The following KIAA0040 variants were observed in gnomAD, a reference collection of about 807,000 sequenced individuals.
The protein encoded by KIAA0040 is uncharacterized protein KIAA0040.
A neutral mutation model predicts 7.2 loss-of-function variants in KIAA0040; 10 were observed. The observed-to-expected ratio is 1.38, with a 90% CI of 0.85 to 2.34. The LOEUF (loss-of-function observed/expected upper bound fraction) is 2.34. Ranked by LOEUF, KIAA0040 falls within the 30% of genes most tolerant of loss-of-function variation. The probability of loss-of-function intolerance (pLI) is 0.00; values close to 1 mark genes in which losing one functional copy is unlikely to be tolerated. For missense variants in KIAA0040, 89 were observed against 108.2 expected (o/e 0.82, Z 0.79); for synonymous variants, 49 against 40.1 (o/e 1.22, Z -0.84).
At position 175,157,328 on chromosome 1, in the gene KIAA0040, C is replaced by T. The variant is rs1434992434; in HGVS notation, c.*3386G>A. 1 of 152,134 alleles carries T rather than the reference C, an allele frequency of 6.6e-6. No individual in the cohort carries two copies. The highest frequency in any genetic ancestry group is 2.4e-5 in the African/African-American group (1 of 41,418). The allele number at this position is 152,134 out of a possible 1,614,324, so 9.4% of individuals were successfully genotyped here. On this transcript the variant is annotated 3_prime_UTR_variant, in exon 4 of 4. Coordinates refer to ENST00000423313, the MANE Select transcript of KIAA0040 (RefSeq NM_014656.3). Reference sequence around the variant, plus strand: ...TGGCACCTTTGAGGGAGTCTGGTCTCCAAGGCCATCTGTTTTGCAAGCAAG... The same window carrying T: ...TGGCACCTTTGAGGGAGTCTGGTCTTCAAGGCCATCTGTTTTGCAAGCAAG...
intron 1 of KIAA0040, among the ~76,000 whole-genome samples, chr1:175,182,256 T>G (rs1677469727): frequency 1.3e-5 from 2 of 152,064 alleles, no homozygotes; most frequent in Admixed American, 1.3e-4. Context: ...GGAACTTGAG[T>G]GTATAGTGAA....
At chr1:175,171,157 G>A (rs1012063630) in intron 2 of KIAA0040, among the ~76,000 whole-genome samples, 1 of 152,164 alleles carries the variant, frequency 6.6e-6, no homozygotes, top group Non-Finnish European at 1.5e-5. Context: ...ACCTTATCAG[G>A]AGGCCTTTTT....
At chr1:175,182,677 C>T (rs1677485494) in intron 1 of KIAA0040, among the ~76,000 whole-genome samples, 1 of 152,210 alleles carries the variant, frequency 6.6e-6, no homozygotes, top group Non-Finnish European at 1.5e-5. Flanking sequence ...CTGGTCCCAC[C>T]ACACACTGGC....
intron 2 of KIAA0040, chr1:175,176,524 G>A (rs1035576156): frequency 6.6e-6 from 1 of 152,142 alleles, no homozygotes; most frequent in Non-Finnish European, 1.5e-5. Context: ...CTTCCTTTCT[G>A]CATGGGCTTA....
chr1:175,160,987 G>T lies in KIAA0040; in HGVS notation c.27C>A (p.Ser9Arg). 6.4e-7 allele frequency: 1 copy of T among 1,551,226 alleles called. No individual in the cohort carries two copies. The highest frequency in any genetic ancestry group is 8.7e-7 in the Non-Finnish European group (1 of 1,146,926). Residue 9 changes from serine (S) to arginine (R), a missense_variant, in exon 4 of 4, where the codon AGC becomes AGA. Ser to Arg is a moderately radical substitution (Grantham distance 110). Transcript: ENST00000423313. ...TGGTCAAGATGGTGTCCCAGATAGA[G>T]CTGAAGAAGGCACTGATTCTCTCCA... MERISAFF[S>R]SIWDTILTKH... is the part of the protein sequence containing the mutation.
At chr1:175,168,758 C>T (rs1371375977) in intron 2 of KIAA0040, among the ~76,000 whole-genome samples, 2 of 152,220 alleles carry the variant, frequency 1.3e-5, no homozygotes, top group African/African-American at 4.8e-5. Context: ...GTCTCTTCCA[C>T]AAACTCTTCC....
chr1:175,165,032 T>C (rs1447997672), intron 3 of KIAA0040, among the ~76,000 whole-genome samples: 2 of 152,206 alleles, frequency 1.3e-5, no homozygotes. Context: ...TGTCTGATTG[T>C]GGCTGTGGGG....
rs1362265508 is a variant in KIAA0040 at position 175,160,613 on chromosome 1, G to A, written c.*101C>T. On this transcript the variant is annotated 3_prime_UTR_variant, in exon 4 of 4. Transcript: ENST00000423313. ...TCCTTGGTTGAGTAGTTACTCTGTG[G>A]ACATGGACATAGTGCATTATTTCAG... is the stretch of plus-strand genomic sequence containing the variant. 1.4e-5 allele frequency: 16 copies of A among 1,138,610 alleles called. No homozygotes were observed. The highest frequency in any genetic ancestry group is 2.6e-5 in the East Asian group (1 of 38,780). 70.5% of individuals were successfully genotyped at this position (1,138,610 alleles called of 1,614,324 possible).
At chr1:175,172,183 C>T (rs1334808852) in intron 2 of KIAA0040, among the ~76,000 whole-genome samples, 1 of 152,184 alleles carries the variant, frequency 6.6e-6, no homozygotes, top group Non-Finnish European at 1.5e-5. Context: ...TAGTTCTCCT[C>T]ATGTTACCCT....
Position 175,160,098 on chromosome 1 carries a change from A to G in KIAA0040, c.*616T>C, listed in dbSNP as rs1676469518. ...TAGCAGGTTGCTGGAATGTCCAATT[A>G]TGAGTACTTCCAGTAAAAGTTTATG... On this transcript the variant is annotated 3_prime_UTR_variant, in exon 4 of 4. Coordinates refer to ENST00000423313, the MANE Select transcript of KIAA0040 (RefSeq NM_014656.3). 1 of 154,144 alleles carries G rather than the reference A, an allele frequency of 6.5e-6. No homozygotes were observed. Among genetic ancestry groups the G allele is most frequent in the Non-Finnish European group, 1.5e-5 (1 of 68,408 alleles). 9.5% of individuals were successfully genotyped at this position (154,144 alleles called of 1,614,324 possible).
chr1:175,169,252 T>C (rs1329295897), intron 2 of KIAA0040, among the ~76,000 whole-genome samples: 1 of 152,226 alleles, frequency 6.6e-6, no homozygotes, highest in East Asian at 1.9e-4. Context: ...ACAACTCTCC[T>C]ATAGGGCAGC....
chr1:175,171,048 T>C (rs560250012), intron 2 of KIAA0040, among the ~76,000 whole-genome samples: 1 of 152,362 alleles, frequency 6.6e-6, no homozygotes, highest in East Asian at 1.9e-4. Context: ...ACCCTATTTG[T>C]CCCTTTGCCT....
intron 1 of KIAA0040, among the ~76,000 whole-genome samples, chr1:175,182,849 T>C (rs1165762225): frequency 6.6e-6 from 1 of 152,230 alleles, no homozygotes; most frequent in Non-Finnish European, 1.5e-5. Flanking sequence ...GAGCACATCT[T>C]CAGTGCATGT....
At chr1:175,190,264 C>T (rs968608315) in intron 1 of KIAA0040, among the ~76,000 whole-genome samples, 2 of 152,196 alleles carry the variant, frequency 1.3e-5, no homozygotes, top group East Asian at 1.9e-4. Flanking sequence ...CTTGAGCGTT[C>T]GGAGAAAGTC....
intron 1 of KIAA0040, among the ~76,000 whole-genome samples, chr1:175,188,636 A>G (rs950356760): frequency 1.7e-4 from 26 of 152,206 alleles, no homozygotes; most frequent in African/African-American, 6.3e-4. Context: ...GTTTGAGGAA[A>G]CACTAAAAGG....
At chr1:175,176,439 A>G (rs537934161) in intron 2 of KIAA0040, 31 of 152,326 alleles carry the variant, frequency 2.0e-4, no homozygotes, top group African/African-American at 7.0e-4. Context: ...CAGATTTGCC[A>G]GGCTTTGGAT....
intron 1 of KIAA0040, among the ~76,000 whole-genome samples, chr1:175,191,539 G>A (rs1677866426): frequency 1.3e-5 from 2 of 152,238 alleles, no homozygotes; most frequent in Admixed American, 1.3e-4. Flanking sequence ...CAGACTAAGT[G>A]GTTGATGCAA....
At chr1:175,162,922 T>C (rs566522365) in intron 3 of KIAA0040, among the ~76,000 whole-genome samples, 4 of 152,332 alleles carry the variant, frequency 2.6e-5, no homozygotes, top group African/African-American at 9.6e-5. Context: ...TGTAGCCAAC[T>C]TTTAGTAAGC....
chr1:175,176,815 C>T lies in KIAA0040; in HGVS notation c.-310+796G>A, dbSNP rs183250252. Among the ~76,000 whole-genome samples, 305 of 151,702 alleles carry T rather than the reference C, an allele frequency of 2.0e-3. 2 individuals carry two copies. The highest frequency in any genetic ancestry group is 6.8e-3 in the African/African-American group (283 of 41,356). On this transcript the variant is annotated intron_variant, in intron 2 of 3. Coordinates refer to ENST00000423313, the MANE Select transcript of KIAA0040 (RefSeq NM_014656.3). ...CCTAGGAATAGCCGTCATCTCTTCC[C>T]TGATGCCCTCAGCATGCCCAAACAT...
Sources: gnomAD v4.1 joint callset for allele counts (sites outside exome capture counted in the v4.1 genomes callset) on GRCh38, gnomAD v4.1.1 for gene constraint, MANE v1.5 for transcripts, NCBI Gene and HGNC (gene_info 2026-07-23, HGNC 2026-07-21) for gene names.